The following ZNF385C variants were observed in gnomAD, a reference collection of about 807,000 sequenced individuals.
ZNF385C encodes CTD-2132N18.2.
In ZNF385C, 28 loss-of-function variants were observed where a neutral mutation model predicts 35.4. The observed-to-expected ratio is 0.79, with a 90% confidence interval of 0.59 to 1.08. The LOEUF is 1.08. Ranked by LOEUF, ZNF385C falls within the 50% of genes least tolerant of loss-of-function variation. The pLI is 0.00. For missense variants in ZNF385C, 605 were observed against 595.6 expected (o/e 1.02, Z -0.16); for synonymous variants, 248 against 248.2 (o/e 1.00, Z 0.01).
chr17:42,090,676 C>T (rs1054919951), intron 1 of ZNF385C, among the ~76,000 whole-genome samples: 1 of 151,402 alleles, frequency 6.6e-6, no homozygotes, highest in Admixed American at 6.6e-5. Flanking sequence ...GGGCGGATCA[C>T]GAGGTCAGGA....
At chr17:42,097,422 A>C (rs1284545470) in intron 1 of ZNF385C, among the ~76,000 whole-genome samples, 2 of 152,086 alleles carry the variant, frequency 1.3e-5, no homozygotes, top group African/African-American at 4.8e-5. Context: ...GGAATGGGGA[A>C]TCTAGACAGA....
chr17:42,091,157 G>A (rs2053860864), intron 1 of ZNF385C, among the ~76,000 whole-genome samples: 1 of 151,916 alleles, frequency 6.6e-6, no homozygotes, highest in Non-Finnish European at 1.5e-5. Context: ...GCTGCGCATG[G>A]TGGCATTACA....
intron 8 of ZNF385C, 64 bp downstream of exon 8, chr17:42,027,554 G>GGGC: frequency 1.1e-5 from 6 of 556,856 alleles, no homozygotes; most frequent in Non-Finnish European, 1.6e-5. Flanking sequence ...CCCCCATCTG[G>GGGC]CCCTCCCAGC....
chr17:42,033,777 TCCCGCCTCC>T (rs1555655166), intron 4 of ZNF385C, among the ~76,000 whole-genome samples: 2 of 151,462 alleles, frequency 1.3e-5, no homozygotes, highest in African/African-American at 4.9e-5. Flanking sequence ...AACAAAAAAA[TCCCGCCTCC>T]ACCCGTCTCA....
chr17:42,094,863 A>G (rs1555660863), intron 1 of ZNF385C, among the ~76,000 whole-genome samples: 2 of 152,200 alleles, frequency 1.3e-5, no homozygotes, highest in Non-Finnish European at 2.9e-5. Context: ...CCCTCTAGTA[A>G]GCCAGCCCTT....
At chr17:42,064,289 G>C (rs1398296368) in intron 1 of ZNF385C, among the ~76,000 whole-genome samples, 1 of 152,126 alleles carries the variant, frequency 6.6e-6, no homozygotes, top group African/African-American at 2.4e-5. Context: ...GGAAATCTGC[G>C]TGCATGCTTC....
chr17:42,061,238 T>TTTTTTTTTTTTTTTTTTC (rs2053456979), intron 2 of ZNF385C: 1 of 65,290 alleles, frequency 1.5e-5, no homozygotes, highest in African/African-American at 5.4e-5. Context: ...TTTTTTTTTT[T>TTTTTTTTTTTTTTTTTTC]GAGACAGGGT....
intron 1 of ZNF385C, among the ~76,000 whole-genome samples, chr17:42,083,129 T>C (rs2053766396): frequency 6.6e-6 from 1 of 151,880 alleles, no homozygotes; most frequent in Non-Finnish European, 1.5e-5. Context: ...AAGTGGCAAA[T>C]GTAAGAAACC....
At chr17:42,043,021 C>A (rs2053062176) in intron 2 of ZNF385C, 1 of 1,232,326 alleles carries the variant, frequency 8.1e-7, no homozygotes, top group Admixed American at 4.2e-5. Flanking sequence ...CACCTTGACG[C>A]CCCTGGAGGC....
At chr17:42,088,884 G>A (rs2053836817) in intron 1 of ZNF385C, among the ~76,000 whole-genome samples, 1 of 151,994 alleles carries the variant, frequency 6.6e-6, no homozygotes, top group South Asian at 2.1e-4. Context: ...GGAGTGCAGT[G>A]GTGCGATCAC....
intron 1 of ZNF385C, among the ~76,000 whole-genome samples, chr17:42,073,990 C>T (rs2053659064): frequency 6.6e-6 from 1 of 152,198 alleles, no homozygotes; most frequent in Non-Finnish European, 1.5e-5. Flanking sequence ...TTGGGCCTTG[C>T]CCCTGCTCTC....
intron 1 of ZNF385C, among the ~76,000 whole-genome samples, chr17:42,069,596 C>G (rs1351821807): frequency 1.3e-5 from 2 of 152,224 alleles, no homozygotes; most frequent in African/African-American, 4.8e-5. Context: ...CTCCTCAAAC[C>G]CTTAACAAGC....
chr17:42,027,438 A>C, intron 8 of ZNF385C, among the ~76,000 whole-genome samples, 180 bp downstream of exon 8: 1 of 147,302 alleles, frequency 6.8e-6, no homozygotes, highest in African/African-American at 2.5e-5. Context: ...ATCCCAACCC[A>C]CCTCCCCGGA....
intron 2 of ZNF385C, among the ~76,000 whole-genome samples, chr17:42,053,048 A>G (rs4796763): frequency 0.77 from 117,092 of 152,044 alleles, 46,047 homozygotes; most frequent in South Asian, 0.86. Context: ...GACCCACTGC[A>G]TGCCCACTCC....
At chr17:42,086,989 T>C (rs2053816720) in intron 1 of ZNF385C, among the ~76,000 whole-genome samples, 2 of 151,844 alleles carry the variant, frequency 1.3e-5, no homozygotes, top group African/African-American at 4.8e-5. Context: ...CCCGGCTAAT[T>C]TTTTGTACTT....
At chr17:42,075,939 T>C (rs2053680030) in intron 1 of ZNF385C, among the ~76,000 whole-genome samples, 1 of 152,206 alleles carries the variant, frequency 6.6e-6, no homozygotes, top group African/African-American at 2.4e-5. Context: ...TACATAGAGC[T>C]GAGCGTCCTT....
chr17:42,093,918 C>T (rs1485414115), intron 1 of ZNF385C, among the ~76,000 whole-genome samples: 1 of 151,796 alleles, frequency 6.6e-6, no homozygotes, highest in African/African-American at 2.4e-5. Context: ...TATTCCCTTT[C>T]CTGCCGCCTT....
Position 42,090,277 on chromosome 17 carries a change from C to CT in ZNF385C, c.-3+8132dup, listed in dbSNP as rs1162613191. On this transcript the variant is annotated intron_variant, in intron 1 of 8. Coordinates refer to ENST00000692273, the MANE Select transcript of ZNF385C (RefSeq NM_001392013.1). ...CTTCCTTCCCATTTCCTCTTATTCC[C>CT]TTTTTTTTTTTTTTTTTTTTTTTTT... Among the ~76,000 whole-genome samples the CT allele has an allele frequency of 7.2e-3, 709 of 98,902 alleles. 47 individuals are homozygous for CT. Among genetic ancestry groups the CT allele is most frequent in the African/African-American group, 0.013 (229 of 17,108 alleles). 64.9% of individuals were successfully genotyped at this position (98,902 alleles called of 152,430 possible).
At chr17:42,037,564 CTT>C (rs2052888210) in intron 3 of ZNF385C, among the ~76,000 whole-genome samples, 171 bp downstream of exon 3, 1 of 152,102 alleles carries the variant, frequency 6.6e-6, no homozygotes, top group African/African-American at 2.4e-5. Flanking sequence ...GGGTCCCTCT[CTT>C]AGGATCCCAA....
Sources: gnomAD v4.1 joint callset for allele counts (sites outside exome capture counted in the v4.1 genomes callset) on GRCh38, gnomAD v4.1.1 for gene constraint, MANE v1.5 for transcripts, NCBI Gene and HGNC (gene_info 2026-07-23, HGNC 2026-07-21) for gene names.